PCBP3: variants seen among roughly 807,000 people sequenced by gnomAD.
The protein encoded by PCBP3 is poly(rC) binding protein 3.
A neutral mutation model predicts 52.7 loss-of-function variants in PCBP3; 25 were observed. The observed-to-expected ratio is 0.47, with a 90% CI of 0.35 to 0.66. The LOEUF (loss-of-function observed/expected upper bound fraction) is 0.66. PCBP3 is among the 30% of genes least tolerant of loss of function. The pLI is 0.01. For synonymous variants in PCBP3, 162 were observed against 183.0 expected, an observed-to-expected ratio of 0.89 and a Z score of 0.93; for missense variants, 391 against 490.3, an observed-to-expected ratio of 0.80 and a Z score of 1.91.
At chr21:45,717,149 G>A (rs113088668) in intron 2 of PCBP3, among the ~76,000 whole-genome samples, 1 of 151,738 alleles carries the variant, frequency 6.6e-6, no homozygotes, top group African/African-American at 2.4e-5. Context: ...TTTTTGGATT[G>A]TTCATTGCTA....
Position 45,800,466 on chromosome 21 carries a change from A to C in PCBP3, c.-126+45014A>C, listed in dbSNP as rs1445366432. Reference sequence around the variant, plus strand: ...CTGAACTCTGAGCCCAACTGGCTCCAAACAGGCGTGTTGTGGGCGTGTCCT... The same window carrying C: ...CTGAACTCTGAGCCCAACTGGCTCCCAACAGGCGTGTTGTGGGCGTGTCCT... On this transcript the variant is annotated intron_variant, in intron 4 of 17. Coordinates refer to ENST00000681687, the MANE Select transcript of PCBP3 (RefSeq NM_001384156.1). This position sits in a 1 kb window ranked among gnomAD's most constrained non-coding sequence, Gnocchi z 5.3. 6.6e-6 allele frequency among the ~76,000 whole-genome samples: 1 copy of C among 152,222 alleles called. No homozygotes were observed. Among genetic ancestry groups the C allele is most frequent in the East Asian group, 1.9e-4 (1 of 5,186 alleles).
At chr21:45,897,451 G>A (rs922210354) in intron 6 of PCBP3, among the ~76,000 whole-genome samples, 1 of 152,210 alleles carries the variant, frequency 6.6e-6, no homozygotes, top group Non-Finnish European at 1.5e-5. Flanking sequence ...CTGTCCCGGG[G>A]TGTGCCTGTC....
At chr21:45,657,991 C>A (rs2080128144) in intron 1 of PCBP3, among the ~76,000 whole-genome samples, 1 of 152,088 alleles carries the variant, frequency 6.6e-6, no homozygotes, top group South Asian at 2.1e-4. Context: ...TGTTCCTTAT[C>A]TTAGGGGGAA....
intron 2 of PCBP3, among the ~76,000 whole-genome samples, chr21:45,725,606 C>T (rs2084967551): frequency 6.6e-6 from 1 of 152,192 alleles, no homozygotes; most frequent in African/African-American, 2.4e-5. Context: ...AGGGGACACA[C>T]AGGCAGGGTT....
chr21:45,676,365 G>T (rs952343620), intron 2 of PCBP3, among the ~76,000 whole-genome samples: 1 of 127,320 alleles, frequency 7.9e-6, no homozygotes, highest in Non-Finnish European at 1.7e-5. Context: ...GCACTTTACA[G>T]AATTTTTTTT....
intron 4 of PCBP3, among the ~76,000 whole-genome samples, chr21:45,846,748 C>T (rs960337330): frequency 6.6e-5 from 10 of 152,224 alleles, no homozygotes; most frequent in Non-Finnish European, 1.5e-4. Context: ...AAGAAGTGCC[C>T]TTCTTGGTCT....
rs150940024 is a variant in PCBP3 at position 45,895,925 on chromosome 21, C to T, written c.11-283C>T. On this transcript the variant is annotated intron_variant, in intron 5 of 17. Coordinates refer to ENST00000681687, the MANE Select transcript of PCBP3 (RefSeq NM_001384156.1). Reference sequence around the variant, plus strand: ...CTCCGGCTGCTGAGAGAGGTGCTTCCGTGACCCTGGGCAGATGCAGACCTC... The same window carrying T: ...CTCCGGCTGCTGAGAGAGGTGCTTCTGTGACCCTGGGCAGATGCAGACCTC... Among the ~76,000 whole-genome samples, 429 of 152,386 alleles carry T rather than the reference C, an allele frequency of 2.8e-3. 3 individuals are homozygous for T. The highest frequency in any genetic ancestry group is 0.01 in the Middle Eastern group (3 of 294).
At chr21:45,646,629 T>A (rs1258890637) in intron 1 of PCBP3, among the ~76,000 whole-genome samples, 1 of 152,246 alleles carries the variant, frequency 6.6e-6, no homozygotes, top group Admixed American at 6.5e-5. Flanking sequence ...AATGGATTAA[T>A]CCATTTTATG....
intron 17 of PCBP3, 45 bp from the exon 18 acceptor site, chr21:45,941,625 G>A (rs756603625): frequency 1.4e-5 from 22 of 1,579,026 alleles, no homozygotes; most frequent in Middle Eastern, 1.7e-4. Flanking sequence ...TGATGAGGGC[G>A]TTGGTTGTGA....
intron 4 of PCBP3, among the ~76,000 whole-genome samples, chr21:45,765,918 A>G (rs144049966): frequency 3.9e-5 from 6 of 152,350 alleles, no homozygotes; most frequent in Non-Finnish European, 7.3e-5. Flanking sequence ...TAATGTATTC[A>G]AGTGGACGCC....
intron 5 of PCBP3, among the ~76,000 whole-genome samples, chr21:45,852,385 G>T (rs987605287): frequency 7.8e-6 from 1 of 128,820 alleles, no homozygotes; most frequent in Non-Finnish European, 1.7e-5. Context: ...ACACAGCCCT[G>T]TAGCCACCCT....
chr21:45,696,276 A>G (rs558484911), intron 2 of PCBP3, among the ~76,000 whole-genome samples: 1 of 152,208 alleles, frequency 6.6e-6, no homozygotes, highest in Non-Finnish European at 1.5e-5. Context: ...TTCAGGGTAA[A>G]CAAATTTTTC....
At chr21:45,922,806 G>A (rs960436791) in intron 13 of PCBP3, among the ~76,000 whole-genome samples, 1 of 152,262 alleles carries the variant, frequency 6.6e-6, no homozygotes, top group South Asian at 2.1e-4. Flanking sequence ...GCTCTGAGAG[G>A]TGCCTTGGCC....
intron 10 of PCBP3, 45 bp downstream of exon 10, chr21:45,909,531 G>C: frequency 1.3e-6 from 2 of 1,594,540 alleles, no homozygotes; most frequent in South Asian, 1.1e-5. Flanking sequence ...GCCTCTAGGC[G>C]GGCTGCGGGT....
At chr21:45,933,314 A>G (rs1397576875) in intron 15 of PCBP3, among the ~76,000 whole-genome samples, 1 of 152,282 alleles carries the variant, frequency 6.6e-6, no homozygotes. Flanking sequence ...TCCTGAGATG[A>G]ATGAACACAT....
At chr21:45,870,819 C>G (rs1437756812) in intron 5 of PCBP3, 1 of 152,500 alleles carries the variant, frequency 6.6e-6, no homozygotes, top group African/African-American at 2.4e-5. Flanking sequence ...TGTTTCTGTT[C>G]CCACCACACT....
chr21:45,714,493 G>A (rs2084078970), intron 2 of PCBP3, among the ~76,000 whole-genome samples: 1 of 151,956 alleles, frequency 6.6e-6, no homozygotes, highest in South Asian at 2.1e-4. Context: ...ACATTACAAG[G>A]TATTCATAGA....
At chr21:45,794,676 TC>T (rs942140596) in intron 4 of PCBP3, among the ~76,000 whole-genome samples, 6 of 152,340 alleles carry the variant, frequency 3.9e-5, no homozygotes, top group African/African-American at 1.4e-4. Flanking sequence ...ACGCCTGTAA[TC>T]CCAGCACTTT....
Position 45,831,630 on chromosome 21 carries a change from G to A in PCBP3, c.-125-18331G>A, listed in dbSNP as rs1042672262. On this transcript the variant is annotated intron_variant, in intron 4 of 17. Coordinates refer to ENST00000681687, the MANE Select transcript of PCBP3 (RefSeq NM_001384156.1). ...GGTCATGTTACTGGAAGGGGGTCCC[G>A]ATCCAGACTCCGAGAGAGGGGTCTT... Among the ~76,000 whole-genome samples, 3 of 152,158 alleles carry A rather than the reference G, an allele frequency of 2.0e-5. No homozygotes were observed. In the East Asian group the frequency reaches 5.8e-4, roughly 29 times the overall value.
Sources: allele counts gnomAD v4.1 joint callset (sites outside exome capture counted in the v4.1 genomes callset), GRCh38; gene constraint gnomAD v4.1.1; non-coding constraint Gnocchi (gnomAD v3.1); transcripts MANE v1.5; gene names NCBI Gene and HGNC (gene_info 2026-07-23, HGNC 2026-07-21).